The following SNTG1 variants were observed in gnomAD, a reference collection of about 807,000 sequenced individuals.
SNTG1 encodes gamma-1-syntrophin.
In SNTG1, 39 loss-of-function variants were observed where a neutral mutation model predicts 74.7. The observed-to-expected ratio is 0.52, with a 90% CI of 0.40 to 0.68. The LOEUF (loss-of-function observed/expected upper bound fraction) is 0.68, where lower values mean the gene tolerates loss of function less well. Among genes scored for constraint, SNTG1 ranks in the 30% least tolerant of loss-of-function variants. The pLI, the probability that SNTG1 is intolerant of heterozygous loss-of-function variation, is 0.00. For missense variants in SNTG1, 685 were observed against 609.5 expected (o/e 1.12, Z -1.30); for synonymous variants, 254 against 217.1 (o/e 1.17, Z -1.49).
intron 2 of SNTG1, among the ~76,000 whole-genome samples, chr8:50,245,949 A>T (rs1006928345): frequency 4.6e-5 from 7 of 151,980 alleles, no homozygotes; most frequent in Non-Finnish European, 1.5e-5. Context: ...TTGTCCTCAA[A>T]TTAGGGTAAC....
At chr8:50,435,879 A>T (rs2093296492) in intron 4 of SNTG1, among the ~76,000 whole-genome samples, 1 of 152,166 alleles carries the variant, frequency 6.6e-6, no homozygotes, top group Non-Finnish European at 1.5e-5. Context: ...GATTTGGAAC[A>T]TGTTCTAAAT....
intron 2 of SNTG1, among the ~76,000 whole-genome samples, chr8:50,264,762 A>T (rs1346939932): frequency 6.6e-6 from 1 of 152,072 alleles, no homozygotes; most frequent in Non-Finnish European, 1.5e-5. Flanking sequence ...AAATAGAGAG[A>T]AGACTTGAAT....
At chr8:50,471,006 A>G (rs1283159182) in intron 8 of SNTG1, among the ~76,000 whole-genome samples, 1 of 152,158 alleles carries the variant, frequency 6.6e-6, no homozygotes, top group African/African-American at 2.4e-5. Context: ...AGCTAGACAC[A>G]GAATGCTGAT....
At chr8:50,423,358 A>G (rs749459868) in intron 4 of SNTG1, among the ~76,000 whole-genome samples, 1 of 152,238 alleles carries the variant, frequency 6.6e-6, no homozygotes, top group Non-Finnish European at 1.5e-5. Flanking sequence ...ATTGCAAAAA[A>G]CAATCATAAA....
chr8:50,695,037 C>T (rs2095398774), intron 15 of SNTG1, among the ~76,000 whole-genome samples: 1 of 151,816 alleles, frequency 6.6e-6, no homozygotes, highest in Non-Finnish European at 1.5e-5. Context: ...GACAAGAATG[C>T]CCACTATCAC....
chr8:50,335,158 G>A (rs1388420105), intron 2 of SNTG1, among the ~76,000 whole-genome samples: 1 of 152,094 alleles, frequency 6.6e-6, no homozygotes, highest in African/African-American at 2.4e-5. Flanking sequence ...GCTGCATTTT[G>A]TGTTGTTTCT....
chr8:49,936,798 C>T (rs148254719), intron 1 of SNTG1, among the ~76,000 whole-genome samples: 1 of 152,108 alleles, frequency 6.6e-6, no homozygotes. Context: ...AAGCAAAAAA[C>T]AGCAATTATG....
chr8:50,777,991 T>A (rs1292442941), intron 18 of SNTG1, among the ~76,000 whole-genome samples: 1 of 152,118 alleles, frequency 6.6e-6, no homozygotes, highest in South Asian at 2.1e-4. Flanking sequence ...CTGAGAATGA[T>A]GATTTCCAAT....
chr8:50,083,673 C>T (rs1285855758), intron 1 of SNTG1, among the ~76,000 whole-genome samples: 1 of 152,142 alleles, frequency 6.6e-6, no homozygotes, highest in Non-Finnish European at 1.5e-5. Flanking sequence ...CTACTTCAAG[C>T]ATTCATTTTT....
intron 17 of SNTG1, among the ~76,000 whole-genome samples, chr8:50,710,720 G>C (rs2095459162): frequency 6.6e-6 from 1 of 152,132 alleles, no homozygotes; most frequent in African/African-American, 2.4e-5. Context: ...TGTCCTATCT[G>C]ACATTCCTGT....
At chr8:50,458,230 A>C (rs1456928200) in intron 8 of SNTG1, 1 of 151,452 alleles carries the variant, frequency 6.6e-6, no homozygotes, top group Non-Finnish European at 1.5e-5. Flanking sequence ...CAGACAAAGC[A>C]AGGTTTATTG....
chr8:49,956,955 C>G (rs1783930521), intron 1 of SNTG1, among the ~76,000 whole-genome samples: 1 of 152,054 alleles, frequency 6.6e-6, no homozygotes, highest in Admixed American at 6.6e-5. Context: ...AATGTAAGAA[C>G]TCATAGAAAC....
intron 1 of SNTG1, among the ~76,000 whole-genome samples, chr8:49,942,406 T>G (rs1235580454): frequency 6.6e-6 from 1 of 152,194 alleles, no homozygotes; most frequent in Non-Finnish European, 1.5e-5. Flanking sequence ...ATATGAAGTT[T>G]CTTTTATTAT....
intron 17 of SNTG1, among the ~76,000 whole-genome samples, chr8:50,733,198 T>C (rs1424747187): frequency 1.3e-5 from 2 of 152,080 alleles, no homozygotes; most frequent in African/African-American, 4.8e-5. Context: ...TTTTCTGTTT[T>C]GCATTTAATT....
intron 2 of SNTG1, among the ~76,000 whole-genome samples, chr8:50,293,267 T>C (rs1197383094): frequency 6.6e-6 from 1 of 152,156 alleles, no homozygotes; most frequent in Admixed American, 6.5e-5. Context: ...TGGTTCCTCC[T>C]GAGGCCTCTC....
At chr8:50,742,502 A>G (rs1472078268) in intron 17 of SNTG1, among the ~76,000 whole-genome samples, 1 of 151,932 alleles carries the variant, frequency 6.6e-6, no homozygotes, top group Admixed American at 6.6e-5. Context: ...ACAAAGCGAA[A>G]GCAGTACTAA....
intron 2 of SNTG1, among the ~76,000 whole-genome samples, chr8:50,316,665 T>C (rs2090328418): frequency 6.6e-6 from 1 of 152,102 alleles, no homozygotes; most frequent in South Asian, 2.1e-4. Context: ...ACTAATATGT[T>C]CCAAGCAGTC....
At chr8:50,489,686 A>G (rs1405593655) in intron 8 of SNTG1, among the ~76,000 whole-genome samples, 1 of 152,172 alleles carries the variant, frequency 6.6e-6, no homozygotes, top group East Asian at 1.9e-4. Flanking sequence ...CCTTTGCCAT[A>G]TGGATAGATT....
chr8:50,704,570 C>T (rs2095437026), intron 15 of SNTG1, 30 bp from the exon 16 acceptor site: 1 of 1,613,546 alleles, frequency 6.2e-7, no homozygotes, highest in Non-Finnish European at 8.5e-7. Flanking sequence ...GTGATGTGTG[C>T]CAGCCTGTGT....
Sources: allele counts gnomAD v4.1 joint callset (sites outside exome capture counted in the v4.1 genomes callset), GRCh38; gene constraint gnomAD v4.1.1; transcripts MANE v1.5; gene names NCBI Gene and HGNC (gene_info 2026-07-23, HGNC 2026-07-21).